Variants in LYRM4 observed in about 807,000 individuals in gnomAD.
LYRM4 encodes LYR motif-containing protein 4.
LYRM4 carries 9 observed loss-of-function variants against 11.7 expected under a neutral mutation model. That is an observed-to-expected ratio of 0.77 (90% confidence interval 0.46 to 1.34). The LOEUF (loss-of-function observed/expected upper bound fraction) is 1.34, where lower values mean the gene tolerates loss of function less well. Ranked by LOEUF, LYRM4 falls within the 40% of genes most tolerant of loss-of-function variation. The pLI, the probability that LYRM4 is intolerant of heterozygous loss-of-function variation, is 0.00. For synonymous variants in LYRM4, 42 were observed against 40.4 expected, an observed-to-expected ratio of 1.04 and a Z score of -0.15; for missense variants, 133 against 112.5, an observed-to-expected ratio of 1.18 and a Z score of -0.82.
intron 2 of LYRM4, among the ~76,000 whole-genome samples, chr6:5,186,298 G>C (rs1760387093): frequency 6.6e-6 from 1 of 152,184 alleles, no homozygotes; most frequent in African/African-American, 2.4e-5. Flanking sequence ...GAAGGAGCAG[G>C]CTTACTAGCA....
chr6:5,174,802 CA>C (rs1366585486), intron 2 of LYRM4, among the ~76,000 whole-genome samples: 1 of 152,040 alleles, frequency 6.6e-6, no homozygotes, highest in African/African-American at 2.4e-5. Flanking sequence ...ATGCTTAGGA[CA>C]AGTTTAAATT....
At chr6:5,084,257 G>A in the LYRM4 span, among the ~76,000 whole-genome samples, 1 of 152,200 alleles carries the variant, frequency 6.6e-6, no homozygotes, top group African/African-American at 2.4e-5. Flanking sequence ...ACCACTTTTA[G>A]ACGTTCCCCC....
At chr6:5,037,969 C>T in the LYRM4 span, among the ~76,000 whole-genome samples, 3 of 59,058 alleles carry the variant, frequency 5.1e-5, 1 homozygote, top group African/African-American at 1.4e-4. Context: ...CCCTCCCGGA[C>T]GGGGTGGCTG....
At chr6:5,037,009 A>ATTTTTTTTTT in the LYRM4 span, among the ~76,000 whole-genome samples, 101 of 28,712 alleles carry the variant, frequency 3.5e-3, 16 homozygotes, top group South Asian at 0.04. Flanking sequence ...TTTAGCTTGT[A>ATTTTTTTTTT]TTTTTTTTTT....
At chr6:5,227,923 A>G (rs1363718682) in intron 1 of LYRM4, among the ~76,000 whole-genome samples, 1 of 152,178 alleles carries the variant, frequency 6.6e-6, no homozygotes, top group Non-Finnish European at 1.5e-5. Flanking sequence ...CGTAAGTGGG[A>G]GCTGAACAAT....
chr6:5,084,600 C>T, the LYRM4 span: 2 of 152,086 alleles, frequency 1.3e-5, no homozygotes, highest in Non-Finnish European at 1.5e-5. Flanking sequence ...CCGCTCTCGG[C>T]TGCGGGCCAT....
intron 2 of LYRM4, among the ~76,000 whole-genome samples, chr6:5,215,039 A>ATT (rs11442956): frequency 0.022 from 3,191 of 145,568 alleles, 100 homozygotes; most frequent in African/African-American, 0.07. Flanking sequence ...CCAGTTTAGT[A>ATT]TTTTTTTTTT....
chr6:5,039,231 G>A, the LYRM4 span, among the ~76,000 whole-genome samples: 1 of 152,058 alleles, frequency 6.6e-6, no homozygotes, highest in Non-Finnish European at 1.5e-5. Flanking sequence ...AAAGCTATTA[G>A]TATTGTTTTG....
At chr6:5,128,046 A>G (rs1357073296) in intron 2 of LYRM4, among the ~76,000 whole-genome samples, 4 of 152,232 alleles carry the variant, frequency 2.6e-5, no homozygotes, top group African/African-American at 4.8e-5. Flanking sequence ...AGAAATTGAC[A>G]TTTACACCAT....
rs573860520 is a variant in LYRM4, at chr6:5,222,637, T to C, written c.87-5899A>G. Among the ~76,000 whole-genome samples, 3 of 152,272 alleles carry C rather than the reference T, an allele frequency of 2.0e-5. No homozygotes were observed. The South Asian group carries it at 6.2e-4, about 32-fold the overall frequency. ...CCTTAGGTTTGTCAAATCATTGAAC[T>C]GTACCCTTAAAATGGATGCACTTGA... On this transcript the variant is annotated intron_variant, in intron 1 of 2. Coordinates refer to ENST00000330636, the MANE Select transcript of LYRM4 (RefSeq NM_020408.6).
At chr6:5,071,132 T>A in the LYRM4 span, among the ~76,000 whole-genome samples, 1 of 151,090 alleles carries the variant, frequency 6.6e-6, no homozygotes, top group African/African-American at 2.4e-5. Flanking sequence ...GAGGTTGCAG[T>A]GAACCAAGAT....
At chr6:5,151,194 C>G (rs1346956684) in intron 2 of LYRM4, among the ~76,000 whole-genome samples, 1 of 151,856 alleles carries the variant, frequency 6.6e-6, no homozygotes, top group East Asian at 1.9e-4. Flanking sequence ...AGGGATCCTC[C>G]TGCCTCAGCC....
intron 1 of LYRM4, among the ~76,000 whole-genome samples, chr6:5,253,625 C>A (rs554156948): frequency 1.6e-4 from 24 of 152,166 alleles, no homozygotes; most frequent in Middle Eastern, 3.4e-3. Context: ...AGAAGTTTTG[C>A]AAAGGAGACG....
intron 2 of LYRM4, among the ~76,000 whole-genome samples, chr6:5,140,549 T>A (rs1352800910): frequency 1.3e-5 from 2 of 152,108 alleles, no homozygotes; most frequent in African/African-American, 4.8e-5. Context: ...ACTTTACAAG[T>A]AGAAAGTACT....
intron 1 of LYRM4, among the ~76,000 whole-genome samples, chr6:5,241,238 CA>C (rs1485663445): frequency 6.6e-6 from 1 of 152,182 alleles, no homozygotes; most frequent in Non-Finnish European, 1.5e-5. Flanking sequence ...TAAGAATCCT[CA>C]TTTCATAGTG....
chr6:5,108,589 G>A lies in LYRM4; in HGVS notation c.*834C>T, dbSNP rs1762738123. 2.8e-6 allele frequency: 1 copy of A among 354,454 alleles called. No individual in the cohort carries two copies. Among genetic ancestry groups the A allele is most frequent in the Non-Finnish European group, 4.0e-6 (1 of 252,856 alleles). 22.0% of individuals were successfully genotyped at this position (354,454 alleles called of 1,614,324 possible). Reference sequence around the variant, plus strand: ...TGCAGAGAGGGAAGTGCTGAGAGATGTCTTTTTAAAAAGCTCTCCAACTCT... The same window carrying A: ...TGCAGAGAGGGAAGTGCTGAGAGATATCTTTTTAAAAAGCTCTCCAACTCT... On this transcript the variant is annotated 3_prime_UTR_variant, in exon 3 of 3. Transcript: ENST00000330636.
At chr6:5,148,519 G>GGGCGCAGAGTCAGAACTC (rs1349462777) in intron 2 of LYRM4, among the ~76,000 whole-genome samples, 13 of 42,964 alleles carry the variant, frequency 3.0e-4, no homozygotes, top group Non-Finnish European at 4.5e-4. Flanking sequence ...GCTGGGCTGG[G>GGGCGCAGAGTCAGAACTC]TATACGCCTT....
chr6:5,228,085 G>A (rs1337920797), intron 1 of LYRM4, among the ~76,000 whole-genome samples: 4 of 152,086 alleles, frequency 2.6e-5, no homozygotes, highest in Non-Finnish European at 5.9e-5. Context: ...AACCACCATG[G>A]CACTTGTATA....
At chr6:5,164,698 C>T (rs999589320) in intron 2 of LYRM4, among the ~76,000 whole-genome samples, 11 of 151,950 alleles carry the variant, frequency 7.2e-5, no homozygotes, top group African/African-American at 2.4e-4. Context: ...CCGGGTGTGG[C>T]GGCTCATACC....
Sources: gnomAD v4.1 joint callset for allele counts (sites outside exome capture counted in the v4.1 genomes callset) on GRCh38, gnomAD v4.1.1 for gene constraint, MANE v1.5 for transcripts, NCBI Gene and HGNC (gene_info 2026-07-23, HGNC 2026-07-21) for gene names.